The following AGMO variants were observed in gnomAD, a reference collection of about 807,000 sequenced individuals.
The protein encoded by AGMO is glyceryl-ether monooxygenase.
In AGMO, 75 loss-of-function variants were observed where a neutral mutation model predicts 60.2. The ratio of observed to expected loss-of-function variants is 1.25; its 90% CI spans 1.03 to 1.51. The LOEUF (loss-of-function observed/expected upper bound fraction) is 1.51. Ranked by LOEUF, AGMO falls within the 40% of genes most tolerant of loss-of-function variation. AGMO has a pLI of 0.00. For synonymous variants in AGMO, 261 were observed against 177.1 expected (o/e 1.47, Z -3.76); for missense variants, 763 against 525.5 (o/e 1.45, Z -4.42).
At chr7:15,198,518 T>A (rs1781194239), downstream of AGMO, among the ~76,000 whole-genome samples, 1 of 152,168 alleles carries the variant, frequency 6.6e-6, no homozygotes, top group Admixed American at 6.5e-5. Context: ...AGAGCCGATT[T>A]ATCAAGACAG....
rs188937410 is a variant in AGMO at position 15,320,126 on chromosome 7, G to C, written c.1263+45388C>G. ...TTGGGCCTGTTGTGGGGTGGGGGAGGGGGAAGGGATAGCATTGGGAGATAT... is the reference window on the plus strand; with the variant it reads ...TTGGGCCTGTTGTGGGGTGGGGGAGCGGGAAGGGATAGCATTGGGAGATAT... On this transcript the variant is annotated intron_variant, in intron 12 of 12. Coordinates refer to ENST00000342526, the MANE Select transcript of AGMO (RefSeq NM_001004320.2). Among the ~76,000 whole-genome samples the C allele has an allele frequency of 6.4e-3, 968 of 151,822 alleles. 10 individuals are homozygous for C. The highest frequency in any genetic ancestry group is 0.01 in the Non-Finnish European group (692 of 67,944).
chr7:15,328,721 C>G (rs1263348627), intron 12 of AGMO, among the ~76,000 whole-genome samples: 2 of 152,146 alleles, frequency 1.3e-5, no homozygotes, highest in Non-Finnish European at 2.9e-5. Flanking sequence ...TTTTAAAGGT[C>G]AAATTACATT....
Position 15,439,981 on chromosome 7 carries a change from C to A in AGMO, c.410-8873G>T, listed in dbSNP as rs117419744. ...GAGCCCTGTCCAAAACCACAAAACA[C>A]CAAACCAGCTGTATTTTGAAAATAA... On this transcript the variant is annotated intron_variant, in intron 3 of 12. Transcript: ENST00000342526. Among the ~76,000 whole-genome samples the A allele has an allele frequency of 8.8e-3, 1,344 of 152,236 alleles. 8 individuals are homozygous for A. The highest frequency in any genetic ancestry group is 0.015 in the Non-Finnish European group (990 of 68,010).
intron 1 of AGMO, 39 bp from the exon 2 acceptor site, chr7:15,560,310 C>A: frequency 6.3e-7 from 1 of 1,583,786 alleles, no homozygotes; most frequent in South Asian, 1.1e-5. Context: ...CTATTATGTT[C>A]CATATGAAAT....
chr7:15,322,527 AATATATAAAT>A lies in AGMO; in HGVS notation c.1263+42977_1263+42986del, dbSNP rs1563086165. On this transcript the variant is annotated intron_variant, in intron 12 of 12. Coordinates refer to ENST00000342526, the MANE Select transcript of AGMO (RefSeq NM_001004320.2). ...ATAAATATATATATAAATATATATA[AATATATAAAT>A]ATATATATAAATATATATAAATATA... 4.9e-4 allele frequency among the ~76,000 whole-genome samples: 27 copies of A among 54,916 alleles called. 1 individual carries two copies. The highest frequency in any genetic ancestry group is 2.8e-3 in the African/African-American group (25 of 8,994). 36.0% of individuals were successfully genotyped at this position (54,916 alleles called of 152,430 possible).
At chr7:15,150,591 T>C in the AGMO span, among the ~76,000 whole-genome samples, 1 of 152,182 alleles carries the variant, frequency 6.6e-6, no homozygotes, top group Non-Finnish European at 1.5e-5. Context: ...TCTGCTTATG[T>C]GATGAAGCAC....
At chr7:15,547,177 C>CT (rs1784804985) in intron 2 of AGMO, among the ~76,000 whole-genome samples, 1 of 150,258 alleles carries the variant, frequency 6.7e-6, no homozygotes, top group Non-Finnish European at 1.5e-5. Flanking sequence ...AGATTTAGGA[C>CT]CCTTCCTTCT....
the AGMO span, among the ~76,000 whole-genome samples, chr7:15,118,429 TAGAC>T: frequency 3.3e-5 from 5 of 152,090 alleles, no homozygotes; most frequent in Non-Finnish European, 5.9e-5. Flanking sequence ...AATTTTTACT[TAGAC>T]AGAGAGTTGT....
At chr7:15,527,112 CA>C (rs751674128) in intron 3 of AGMO, among the ~76,000 whole-genome samples, 1 of 151,098 alleles carries the variant, frequency 6.6e-6, no homozygotes, top group African/African-American at 2.4e-5. Context: ...GTTCAAGTAA[CA>C]AAAAAAAGTT....
chr7:15,473,614 G>A (rs993137604), intron 3 of AGMO, among the ~76,000 whole-genome samples: 1 of 152,042 alleles, frequency 6.6e-6, no homozygotes, highest in Admixed American at 6.6e-5. Flanking sequence ...CATACTGAAT[G>A]GGCAAAAGCT....
intron 3 of AGMO, among the ~76,000 whole-genome samples, chr7:15,472,085 G>A (rs888051040): frequency 5.9e-5 from 9 of 151,882 alleles, no homozygotes; most frequent in African/African-American, 1.9e-4. Context: ...TTTGAAAGGT[G>A]TATTAAATTC....
chr7:15,398,925 C>T (rs1474216722), intron 5 of AGMO, among the ~76,000 whole-genome samples: 1 of 152,092 alleles, frequency 6.6e-6, no homozygotes, highest in Non-Finnish European at 1.5e-5. Flanking sequence ...ACTTATCCAT[C>T]ATATTGTTTT....
At chr7:15,130,267 CAA>C in the AGMO span, among the ~76,000 whole-genome samples, 1 of 151,648 alleles carries the variant, frequency 6.6e-6, no homozygotes, top group Non-Finnish European at 1.5e-5. Flanking sequence ...TTTCATGTTT[CAA>C]AGTGTCATGT....
chr7:15,527,154 A>C (rs997827350), intron 3 of AGMO, among the ~76,000 whole-genome samples: 6 of 152,208 alleles, frequency 3.9e-5, no homozygotes, highest in Admixed American at 3.9e-4. Context: ...ATTAAAAGCT[A>C]GAAATGATTA....
At chr7:15,421,342 A>G (rs1418851166) in intron 4 of AGMO, among the ~76,000 whole-genome samples, 1 of 152,152 alleles carries the variant, frequency 6.6e-6, no homozygotes, top group East Asian at 1.9e-4. Context: ...CCAACACAGA[A>G]AAAGAATTTA....
At chr7:15,357,215 G>A (rs907437191) in intron 12 of AGMO, among the ~76,000 whole-genome samples, 3 of 150,860 alleles carry the variant, frequency 2.0e-5, no homozygotes, top group African/African-American at 7.4e-5. Context: ...GTGTGTGTGT[G>A]TGTGTGTGTG....
intron 12 of AGMO, 31 bp downstream of exon 12, chr7:15,365,483 C>T: frequency 6.8e-7 from 1 of 1,466,270 alleles, no homozygotes; most frequent in Non-Finnish European, 9.5e-7. Context: ...AGGTATACGC[C>T]ATCCTGTGGC....
chr7:15,396,453 T>C (rs1469823737), intron 5 of AGMO: 3 of 152,256 alleles, frequency 2.0e-5, no homozygotes, highest in African/African-American at 7.2e-5. Context: ...CTGCACACCT[T>C]CCGGGTGAGC....
chr7:15,483,568 TC>T (rs1782824053), intron 3 of AGMO, among the ~76,000 whole-genome samples: 2 of 148,004 alleles, frequency 1.4e-5, no homozygotes, highest in Admixed American at 6.6e-5. Flanking sequence ...AGACTCTGTC[TC>T]AAAACAAACA....
Sources: gnomAD v4.1 joint callset for allele counts (sites outside exome capture counted in the v4.1 genomes callset) on GRCh38, gnomAD v4.1.1 for gene constraint, MANE v1.5 for transcripts, NCBI Gene and HGNC (gene_info 2026-07-23, HGNC 2026-07-21) for gene names.